Variants in KLK15 observed in about 807,000 individuals in gnomAD.
The protein encoded by KLK15 is kallikrein related peptidase 15.
Under a neutral mutation model 21.1 loss-of-function variants are expected in KLK15, and 19 were observed. The ratio of observed to expected loss-of-function variants is 0.90; its 90% CI spans 0.63 to 1.32. The LOEUF is 1.32. KLK15 is among the 40% of genes most tolerant of loss of function. The probability of loss-of-function intolerance (pLI) is 0.00; values close to 1 mark genes in which losing one functional copy is unlikely to be tolerated. For missense variants in KLK15, 345 were observed against 348.6 expected (o/e 0.99, Z 0.08); for synonymous variants, 141 against 141.5 (o/e 1.00, Z 0.03).
upstream of KLK15, chr19:50,831,663 C>T (rs1383796755): frequency 2.6e-5 from 12 of 469,248 alleles, no homozygotes; most frequent in East Asian, 2.5e-4. Context: ...CCCCACTCTG[C>T]GCTTCCTTCT....
upstream of KLK15, among the ~76,000 whole-genome samples, chr19:50,833,559 G>A (rs759037306): frequency 6.6e-6 from 1 of 152,154 alleles, no homozygotes; most frequent in Non-Finnish European, 1.5e-5. Flanking sequence ...ATCTAGGGCA[G>A]CTTGGGTGCC....
At chr19:50,830,176 C>CACAT (rs1555766243) in intron 1 of KLK15, among the ~76,000 whole-genome samples, 13 of 151,486 alleles carry the variant, frequency 8.6e-5, no homozygotes, top group African/African-American at 3.1e-4. Context: ...CACACACACA[C>CACAT]ACACACACAC....
exon 3 of KLK15, chr19:50,827,144 A>G (rs1210503087): frequency 2.5e-6 from 4 of 1,592,106 alleles, no homozygotes; most frequent in Middle Eastern, 1.7e-4. Context: ...GTGCTCTCCC[A>G]GGCGCACTCT....
intron 1 of KLK15, among the ~76,000 whole-genome samples, chr19:50,829,321 G>A (rs2089941857): frequency 1.3e-5 from 2 of 151,732 alleles, no homozygotes. Flanking sequence ...ATGTGTGTGT[G>A]TGCATGTGTG....
chr19:50,827,951 T>G, intron 1 of KLK15, 136 bp from the exon 3 acceptor site: 1 of 806,038 alleles, frequency 1.2e-6, no homozygotes, highest in Non-Finnish European at 1.9e-6. Context: ...CTGTTTTTGT[T>G]TGTTGTTGTT....
At chr19:50,832,383 C>T (rs976356316), upstream of KLK15, among the ~76,000 whole-genome samples, 28 of 135,532 alleles carry the variant, frequency 2.1e-4, no homozygotes, top group Admixed American at 4.1e-4. Flanking sequence ...AGTGGAGTGG[C>T]GTGATCTCCG....
At chr19:50,825,601 G>T, downstream of KLK15, 1 of 495,690 alleles carries the variant, frequency 2.0e-6, no homozygotes. Context: ...TTGGATCAGC[G>T]CTTTGTTATC....
At chr19:50,829,156 G>C (rs143962377) in intron 1 of KLK15, among the ~76,000 whole-genome samples, 1 of 151,478 alleles carries the variant, frequency 6.6e-6, no homozygotes, top group East Asian at 1.9e-4. Flanking sequence ...CAGTGTCACA[G>C]ACACTTGCAT....
chr19:50,827,957 T>C, intron 1 of KLK15, 142 bp from the exon 3 acceptor site: 1 of 800,498 alleles, frequency 1.2e-6, no homozygotes, highest in South Asian at 1.8e-5. Flanking sequence ...TTGTTTGTTG[T>C]TGTTGTTGTT....
chr19:50,831,439 G>T lies in KLK15; in HGVS notation c.43+11C>A. 7.0e-7 allele frequency: 1 copy of T among 1,422,876 alleles called. No homozygotes were observed. Among genetic ancestry groups the T allele is most frequent in the Non-Finnish European group, 9.2e-7 (1 of 1,090,676 alleles). The allele number at this position is 1,422,876 out of a possible 1,614,324, so 88.1% of individuals were successfully genotyped here. ...TCCCACAGACCTGGCCCCCTCCTGG[G>T]GCCACCTCACCTGTGGATGCCAGCA... On this transcript the variant is annotated intron_variant, in intron 1 of 4. Transcript: ENST00000598239.
chr19:50,830,490 G>A (rs2089963878), intron 1 of KLK15: 1 of 152,054 alleles, frequency 6.6e-6, no homozygotes, highest in African/African-American at 2.4e-5. Flanking sequence ...GCTGGGCACC[G>A]AGGCTGCACC....
At chr19:50,831,875 A>G (rs2569736), upstream of KLK15, among the ~76,000 whole-genome samples, 121,457 of 150,810 alleles carry the variant, frequency 0.81, 49,103 homozygotes, top group East Asian at 0.89. Context: ...GCAGTGGCAC[A>G]ATGTCGGCTC....
chr19:50,826,087 C>A, intron 4 of KLK15, 139 bp from the exon 6 acceptor site: 1 of 799,338 alleles, frequency 1.3e-6, no homozygotes. Context: ...TCAATACAGC[C>A]CAGTTTATCC....
rs1433149530 is a variant in KLK15 at position 50,827,899 on chromosome 19, A to G, written c.44-84T>C. 6.9e-6 allele frequency: 9 copies of G among 1,305,632 alleles called. 1 individual carries two copies. The highest frequency in any genetic ancestry group is 4.3e-5 in the African/African-American group (3 of 69,030). 80.9% of individuals were successfully genotyped at this position (1,305,632 alleles called of 1,614,324 possible). A position where few individuals can be genotyped will look rare whatever the true frequency, so the allele number is the denominator to read the frequency against. Reference sequence around the variant, plus strand: ...TTCCTTGCACCCTGCCCTAACTACTATATGCCTATGCCTTTCCCCTAACTT... The same window carrying G: ...TTCCTTGCACCCTGCCCTAACTACTGTATGCCTATGCCTTTCCCCTAACTT... On this transcript the variant is annotated intron_variant, in intron 1 of 4. Coordinates refer to ENST00000598239, the Ensembl canonical transcript of KLK15.
At chr19:50,827,583 G>A in intron 2 of KLK15, 79 bp downstream of exon 3, 1 of 1,458,040 alleles carries the variant, frequency 6.9e-7, no homozygotes. Flanking sequence ...TCTGGCGTCT[G>A]CCTCCGTCTT....
chr19:50,826,601 T>C lies in KLK15; in HGVS notation c.618+20A>G. 3 of 1,565,146 alleles carry C rather than the reference T, an allele frequency of 1.9e-6. No homozygotes were observed. Among genetic ancestry groups the C allele is most frequent in the Non-Finnish European group, 2.6e-6 (3 of 1,158,122 alleles). On this transcript the variant is annotated intron_variant, in intron 4 of 4. Transcript: ENST00000598239. ...TCCCCATCCCTCTTCTTCCGCCTGATGGCCCCTCTAGGCTCTGACCTCACA... is the reference window on the plus strand; with the variant it reads ...TCCCCATCCCTCTTCTTCCGCCTGACGGCCCCTCTAGGCTCTGACCTCACA...
chr19:50,832,322 C>CTTTCTT (rs1555766936), upstream of KLK15, among the ~76,000 whole-genome samples: 15 of 109,434 alleles, frequency 1.4e-4, no homozygotes, highest in Admixed American at 2.1e-4. Flanking sequence ...CTTTTTTTTT[C>CTTTCTT]TTTTTTTTTT....
At chr19:50,831,939 G>C (rs2089994980), upstream of KLK15, among the ~76,000 whole-genome samples, 1 of 151,740 alleles carries the variant, frequency 6.6e-6, no homozygotes, top group Admixed American at 6.6e-5. Flanking sequence ...AGCCTCCCGA[G>C]TAGCTGGGAC....
chr19:50,831,850 C>A (rs996704335), upstream of KLK15, among the ~76,000 whole-genome samples: 3 of 150,908 alleles, frequency 2.0e-5, no homozygotes, highest in African/African-American at 7.3e-5. Context: ...CTCACTCTGT[C>A]ACCCAGGCTG....
Sources: gnomAD v4.1 joint callset for allele counts (sites outside exome capture counted in the v4.1 genomes callset) on GRCh38, gnomAD v4.1.1 for gene constraint, MANE v1.5 for transcripts, NCBI Gene and HGNC (gene_info 2026-07-23, HGNC 2026-07-21) for gene names.